The following GPR158 variants were observed in gnomAD, a reference collection of about 807,000 sequenced individuals.
The protein encoded by GPR158 is metabotropic glycine receptor.
A neutral mutation model predicts 78.2 loss-of-function variants in GPR158; 30 were observed. The ratio of observed to expected loss-of-function variants is 0.38; its 90% confidence interval spans 0.29 to 0.52. The LOEUF is 0.52. Ranked by LOEUF, GPR158 falls within the 20% of genes least tolerant of loss-of-function variation. The pLI is 0.83. For synonymous variants in GPR158, 581 were observed against 591.1 expected (o/e 0.98, Z 0.25); for missense variants, 1,463 against 1,523.5 (o/e 0.96, Z 0.66).
At chr10:25,369,965 GT>G (rs1833961465) in intron 2 of GPR158, among the ~76,000 whole-genome samples, 1 of 147,440 alleles carries the variant, frequency 6.8e-6, no homozygotes, top group East Asian at 2.0e-4. Context: ...AGAGGTGTTT[GT>G]AGTATTCTCT....
At chr10:25,365,470 G>A (rs1480590404) in intron 2 of GPR158, among the ~76,000 whole-genome samples, 4 of 151,574 alleles carry the variant, frequency 2.6e-5, no homozygotes, top group Non-Finnish European at 4.4e-5. Context: ...ATGTATATTC[G>A]GATTCTCAAT....
chr10:25,443,458 G>A (rs192547745), intron 4 of GPR158, among the ~76,000 whole-genome samples: 101 of 151,724 alleles, frequency 6.7e-4, no homozygotes, highest in African/African-American at 2.4e-3. Context: ...GGGAGGCAGA[G>A]GCAGGAGAAT....
At chr10:25,330,104 G>A (rs1855097611) in intron 2 of GPR158, among the ~76,000 whole-genome samples, 1 of 151,648 alleles carries the variant, frequency 6.6e-6, no homozygotes, top group Non-Finnish European at 1.5e-5. Flanking sequence ...ATGCTGGTGC[G>A]CTACACCCAC....
At chr10:25,224,242 A>G (rs2130686690) in intron 2 of GPR158, among the ~76,000 whole-genome samples, 1 of 152,212 alleles carries the variant, frequency 6.6e-6, no homozygotes, top group Non-Finnish European at 1.5e-5. Context: ...TTTTGTTTTA[A>G]ATATTTTCTT....
At chr10:25,346,717 G>A (rs1855376948) in intron 2 of GPR158, among the ~76,000 whole-genome samples, 1 of 151,902 alleles carries the variant, frequency 6.6e-6, no homozygotes, top group African/African-American at 2.4e-5. Flanking sequence ...AGTTCTCATT[G>A]AGAAAACTTT....
intron 2 of GPR158, among the ~76,000 whole-genome samples, chr10:25,294,498 T>C (rs183704779): frequency 2.4e-4 from 37 of 152,346 alleles, no homozygotes; most frequent in Admixed American, 2.2e-3. Flanking sequence ...CTGGCTTTGC[T>C]GATGATGAGT....
chr10:25,522,857 T>G (rs1363602310), intron 5 of GPR158, among the ~76,000 whole-genome samples: 1 of 152,254 alleles, frequency 6.6e-6, no homozygotes, highest in Admixed American at 6.5e-5. Context: ...AGACCCATAG[T>G]GATTGTAACA....
intron 6 of GPR158, among the ~76,000 whole-genome samples, chr10:25,565,387 T>C (rs1265993904): frequency 2.0e-5 from 3 of 152,194 alleles, no homozygotes; most frequent in Admixed American, 2.0e-4. Flanking sequence ...TGTACAAGGA[T>C]AAATGGGATT....
At chr10:25,184,304 C>T (rs979346942) in intron 1 of GPR158, among the ~76,000 whole-genome samples, 14 of 152,296 alleles carry the variant, frequency 9.2e-5, no homozygotes, top group African/African-American at 2.9e-4. Context: ...GATCCTCCCA[C>T]CTTAGCCTCC....
intron 2 of GPR158, among the ~76,000 whole-genome samples, chr10:25,390,087 C>A (rs1485231585): frequency 1.3e-5 from 2 of 152,130 alleles, no homozygotes; most frequent in Non-Finnish European, 1.5e-5. Context: ...CCTCTTTTGC[C>A]CTCCATCATA....
intron 3 of GPR158, 26 bp downstream of exon 3, chr10:25,396,039 A>G (rs764102789): frequency 9.4e-6 from 9 of 961,586 alleles, no homozygotes; most frequent in Non-Finnish European, 1.5e-5. Flanking sequence ...TTCTATGTAT[A>G]TATATGTATA....
At chr10:25,501,365 C>T (rs1476575720) in intron 5 of GPR158, among the ~76,000 whole-genome samples, 1 of 152,172 alleles carries the variant, frequency 6.6e-6, no homozygotes, top group Non-Finnish European at 1.5e-5. Flanking sequence ...TCAAAGGTCT[C>T]TCCTCCCATG....
intron 2 of GPR158, among the ~76,000 whole-genome samples, chr10:25,297,918 C>T (rs2130771543): frequency 6.6e-6 from 1 of 152,284 alleles, no homozygotes; most frequent in Admixed American, 6.5e-5. Flanking sequence ...ACTTGGGAGC[C>T]AGTCACATCT....
intron 5 of GPR158, among the ~76,000 whole-genome samples, chr10:25,498,770 G>A (rs111251204): frequency 5.9e-5 from 9 of 152,330 alleles, no homozygotes; most frequent in African/African-American, 2.2e-4. Context: ...GGGCTGTGTG[G>A]GAGGTGAATA....
chr10:25,426,630 A>T (rs115479610), intron 4 of GPR158, among the ~76,000 whole-genome samples: 38 of 152,226 alleles, frequency 2.5e-4, no homozygotes, highest in African/African-American at 8.9e-4. Flanking sequence ...AGATTTATGA[A>T]GTCTGCTGTC....
chr10:25,544,171 C>G (rs547829922), intron 5 of GPR158, among the ~76,000 whole-genome samples: 2 of 152,156 alleles, frequency 1.3e-5, no homozygotes, highest in South Asian at 4.2e-4. Flanking sequence ...CTCTTCAGTC[C>G]CTAGGTTACT....
At chr10:25,189,738 A>G (rs370802742) in intron 1 of GPR158, among the ~76,000 whole-genome samples, 4 of 151,898 alleles carry the variant, frequency 2.6e-5, no homozygotes, top group Admixed American at 1.3e-4. Context: ...ATACATATGT[A>G]GCAAACCTGC....
At chr10:25,449,162 G>A (rs886609753) in intron 4 of GPR158, among the ~76,000 whole-genome samples, 1 of 152,100 alleles carries the variant, frequency 6.6e-6, no homozygotes, top group Non-Finnish European at 1.5e-5. Context: ...GAATAATGCT[G>A]CGCATGAAGC....
At chr10:25,248,282 T>C (rs1853731814) in intron 2 of GPR158, among the ~76,000 whole-genome samples, 2 of 152,090 alleles carry the variant, frequency 1.3e-5, no homozygotes, top group South Asian at 4.1e-4. Context: ...TTCACTCTGA[T>C]GGTAGTTTCT....
Sources: gnomAD v4.1 joint callset for allele counts (sites outside exome capture counted in the v4.1 genomes callset) on GRCh38, gnomAD v4.1.1 for gene constraint, MANE v1.5 for transcripts, NCBI Gene and HGNC (gene_info 2026-07-23, HGNC 2026-07-21) for gene names.